Variants in SERTAD2 observed in about 807,000 individuals in gnomAD.
The protein encoded by SERTAD2 is SERTA domain-containing protein 2.
Under a neutral mutation model 15.4 loss-of-function variants are expected in SERTAD2, and 2 were observed. The observed-to-expected ratio is 0.13, with a 90% CI of 0.05 to 0.41. The LOEUF (loss-of-function observed/expected upper bound fraction) is 0.41. Ranked by LOEUF, SERTAD2 falls within the 10% of genes least tolerant of loss-of-function variation. The pLI is 0.99. For synonymous variants in SERTAD2, 180 were observed against 178.0 expected (o/e 1.01, Z -0.09); for missense variants, 333 against 409.7 (o/e 0.81, Z 1.62).
At chr2:64,641,978 C>T (rs1482351362) in intron 1 of SERTAD2, among the ~76,000 whole-genome samples, 1 of 152,196 alleles carries the variant, frequency 6.6e-6, no homozygotes, top group African/African-American at 2.4e-5. Flanking sequence ...AACAAACTTT[C>T]GGGTGATGCT....
intron 1 of SERTAD2, among the ~76,000 whole-genome samples, chr2:64,643,440 G>T (rs1309987528): frequency 2.0e-5 from 3 of 152,236 alleles, no homozygotes; most frequent in Admixed American, 6.5e-5. Context: ...CCTGCCTCAT[G>T]ATGAGTCACC....
At chr2:64,642,446 A>C (rs2104345063) in intron 1 of SERTAD2, among the ~76,000 whole-genome samples, 1 of 152,378 alleles carries the variant, frequency 6.6e-6, no homozygotes, top group East Asian at 1.9e-4. Context: ...AAGATGAATC[A>C]GAAAAGGTTA....
chr2:64,640,548 C>T (rs1167538113), intron 1 of SERTAD2, among the ~76,000 whole-genome samples: 2 of 152,024 alleles, frequency 1.3e-5, no homozygotes, highest in Non-Finnish European at 2.9e-5. Flanking sequence ...AGGGACCTTT[C>T]AAAAAGGCTT....
chr2:64,647,238 TATA>T (rs549695845), intron 1 of SERTAD2, among the ~76,000 whole-genome samples: 25 of 152,366 alleles, frequency 1.6e-4, no homozygotes, highest in South Asian at 1.2e-3. Context: ...GATGAAATGT[TATA>T]ATGAGTCTCC....
At chr2:64,642,090 C>G (rs1212415331) in intron 1 of SERTAD2, among the ~76,000 whole-genome samples, 2 of 152,184 alleles carry the variant, frequency 1.3e-5, no homozygotes, top group Non-Finnish European at 2.9e-5. Flanking sequence ...ATCTTGATTC[C>G]CAAGGCCTTC....
chr2:64,641,828 C>T (rs914523161), intron 1 of SERTAD2, among the ~76,000 whole-genome samples: 5 of 152,164 alleles, frequency 3.3e-5, no homozygotes, highest in African/African-American at 1.2e-4. Context: ...CTTCTGTGAG[C>T]GGCTCTCCCA....
chr2:64,643,107 T>G (rs1347422049), intron 1 of SERTAD2, among the ~76,000 whole-genome samples: 1 of 152,178 alleles, frequency 6.6e-6, no homozygotes, highest in Non-Finnish European at 1.5e-5. Flanking sequence ...CCCTGGGGCT[T>G]GTGCAGCTCG....
rs562975240 is a variant in SERTAD2, at chr2:64,642,520, A to T, written c.-4-5645T>A. ...TCTTTTTAAAAATCTTTTTTTTTTT[A>T]AATTACTGTCCTTTAATGTTATTTG... On this transcript the variant is annotated intron_variant, in intron 1 of 1. Coordinates refer to ENST00000313349, the MANE Select transcript of SERTAD2 (RefSeq NM_014755.3). Among the ~76,000 whole-genome samples, 12 of 150,368 alleles carry T rather than the reference A, an allele frequency of 8.0e-5. 1 individual carries two copies. Among genetic ancestry groups the T allele is most frequent in the East Asian group, 5.8e-4 (3 of 5,182 alleles).
intron 1 of SERTAD2, among the ~76,000 whole-genome samples, chr2:64,651,181 TTCA>T (rs1675001323): frequency 6.6e-6 from 1 of 152,250 alleles, no homozygotes. Context: ...AAAATAAAGC[TTCA>T]TACTTTTTTT....
chr2:64,644,101 C>T (rs1330490436), intron 1 of SERTAD2, among the ~76,000 whole-genome samples: 2 of 152,206 alleles, frequency 1.3e-5, no homozygotes, highest in Non-Finnish European at 1.5e-5. Flanking sequence ...TGGCGATTGT[C>T]TTATGAGAAG....
intron 1 of SERTAD2, among the ~76,000 whole-genome samples, chr2:64,642,106 T>G (rs1207835770): frequency 2.0e-5 from 3 of 152,234 alleles, no homozygotes; most frequent in Non-Finnish European, 4.4e-5. Flanking sequence ...CCTTCCTTAT[T>G]TGTGTCTAAT....
rs1379711308 is a variant in SERTAD2 at position 64,635,730 on chromosome 2, A to C, written c.*197T>G. ...AGTAGGTCTCTGAGGAACCACTCAAAAAAGTGTATTAAAAGTGGTCATACT... is the reference window on the plus strand; with the variant it reads ...AGTAGGTCTCTGAGGAACCACTCAACAAAGTGTATTAAAAGTGGTCATACT... On this transcript the variant is annotated 3_prime_UTR_variant, in exon 2 of 2. Transcript: ENST00000313349. 1.1e-5 allele frequency: 6 copies of C among 552,272 alleles called. No individual in the cohort carries two copies. Among genetic ancestry groups the C allele is most frequent in the Non-Finnish European group, 1.9e-5 (6 of 308,918 alleles). The allele number at this position is 552,272 out of a possible 1,614,324, so 34.2% of individuals were successfully genotyped here. A position where few individuals can be genotyped will look rare whatever the true frequency, so the allele number is the denominator to read the frequency against.
At chr2:64,640,269 G>C (rs1298556692) in intron 1 of SERTAD2, among the ~76,000 whole-genome samples, 2 of 152,180 alleles carry the variant, frequency 1.3e-5, no homozygotes, top group East Asian at 1.9e-4. Flanking sequence ...ACTCCTAGAG[G>C]GGGAGGGCAG....
intron 1 of SERTAD2, among the ~76,000 whole-genome samples, 175 bp from the exon 2 acceptor site, chr2:64,637,050 G>C (rs1040503725): frequency 2.0e-5 from 3 of 152,220 alleles, no homozygotes; most frequent in African/African-American, 7.2e-5. Context: ...TACAATAAGA[G>C]AGAGTTAGAA....
chr2:64,646,003 T>C (rs1296462401), intron 1 of SERTAD2, among the ~76,000 whole-genome samples: 1 of 152,216 alleles, frequency 6.6e-6, no homozygotes, highest in Non-Finnish European at 1.5e-5. Flanking sequence ...TTTTAATTTA[T>C]AAGGAAAAAG....
intron 1 of SERTAD2, among the ~76,000 whole-genome samples, chr2:64,640,465 C>G (rs1006778164): frequency 1.1e-4 from 5 of 47,404 alleles, no homozygotes; most frequent in African/African-American, 1.3e-4. Flanking sequence ...GCTCCTAGCT[C>G]CTCAGAAGCC....
chr2:64,644,973 G>C (rs958135255), intron 1 of SERTAD2: 4 of 151,606 alleles, frequency 2.6e-5, no homozygotes, highest in African/African-American at 9.7e-5. Flanking sequence ...GGGTAAGTAA[G>C]GATGCCCAAA....
chr2:64,637,042 C>T (rs1409707848), intron 1 of SERTAD2, among the ~76,000 whole-genome samples, 167 bp from the exon 2 acceptor site: 2 of 152,166 alleles, frequency 1.3e-5, no homozygotes, highest in Non-Finnish European at 2.9e-5. Context: ...AGACCTTTTA[C>T]AATAAGAGAG....
intron 1 of SERTAD2, among the ~76,000 whole-genome samples, chr2:64,648,435 G>A (rs1021667033): frequency 6.6e-6 from 1 of 152,196 alleles, no homozygotes; most frequent in Non-Finnish European, 1.5e-5. Flanking sequence ...AGCCATTAAA[G>A]AATAACTACT....
Sources: allele counts gnomAD v4.1 joint callset (sites outside exome capture counted in the v4.1 genomes callset), GRCh38; gene constraint gnomAD v4.1.1; transcripts MANE v1.5; gene names NCBI Gene and HGNC (gene_info 2026-07-23, HGNC 2026-07-21).